FER1L6: variants seen among roughly 807,000 people sequenced by gnomAD.
The protein encoded by FER1L6 is fer-1 like family member 6, also known as fer-1-like protein 6.
In FER1L6, 177 loss-of-function variants were observed where a neutral mutation model predicts 219.2. That is an observed-to-expected ratio of 0.81 (90% CI 0.71 to 0.91). The LOEUF (loss-of-function observed/expected upper bound fraction) is 0.91, where lower values mean the gene tolerates loss of function less well. Among genes scored for constraint, FER1L6 ranks in the 40% least tolerant of loss-of-function variants. FER1L6 has a pLI of 0.00. For missense variants in FER1L6, 2,153 were observed against 2,259.9 expected (o/e 0.95, Z 0.96); for synonymous variants, 768 against 824.3 (o/e 0.93, Z 1.17).
At chr8:123,959,311 T>C (rs1214096494) in intron 2 of FER1L6, among the ~76,000 whole-genome samples, 1 of 152,194 alleles carries the variant, frequency 6.6e-6, no homozygotes, top group Non-Finnish European at 1.5e-5. Flanking sequence ...CTAGCACCTT[T>C]TCTTGCATAT....
In FER1L6 at chr8:124,035,370, G is replaced by T. The variant is rs1819153628; in HGVS notation, c.2380G>T (p.Asp794Tyr). The T allele has an allele frequency of 6.2e-7, 1 of 1,614,056 alleles. No individual in the cohort carries two copies. Among genetic ancestry groups the T allele is most frequent in the African/African-American group, 1.3e-5 (1 of 75,014 alleles). ...GSIKHASAIL[D>Y]NLPVGYEAEM... Reference sequence around the variant, plus strand: ...CATCAAGCATGCCAGTGCCATTTTGGACAACTTGCCAGTAGGCTATGAAGC... The same window carrying T: ...CATCAAGCATGCCAGTGCCATTTTGTACAACTTGCCAGTAGGCTATGAAGC... Residue 794 changes from aspartate (D) to tyrosine (Y), a missense_variant, in exon 19 of 41, where the codon GAC becomes TAC. Physicochemically the swap from Asp to Tyr is radical, Grantham distance 160 (BLOSUM62 -3). Coordinates refer to ENST00000522917, the MANE Select transcript of FER1L6 (RefSeq NM_001039112.2).
intron 21 of FER1L6, chr8:124,046,264 C>G (rs1022826945): frequency 6.0e-6 from 1 of 166,634 alleles, no homozygotes; most frequent in Non-Finnish European, 1.3e-5. Context: ...TAAAAATGTC[C>G]ATGCTTTTTG....
At chr8:123,910,679 A>T (rs902792728) in intron 1 of FER1L6, among the ~76,000 whole-genome samples, 10 of 152,286 alleles carry the variant, frequency 6.6e-5, no homozygotes, top group African/African-American at 2.4e-4. Context: ...AGGTCCTCCA[A>T]AACTTGCTTA....
intron 1 of FER1L6, among the ~76,000 whole-genome samples, chr8:123,862,406 T>A (rs534243191): frequency 7.2e-6 from 1 of 138,376 alleles, no homozygotes; most frequent in Non-Finnish European, 1.5e-5. Context: ...GATTTTTGCA[T>A]CAATGTTCAT....
intron 39 of FER1L6, among the ~76,000 whole-genome samples, chr8:124,109,059 G>T (rs1262980860): frequency 1.3e-5 from 2 of 152,286 alleles, no homozygotes; most frequent in Non-Finnish European, 2.9e-5. Context: ...GTTGTCTCAT[G>T]CTGAGAAAAA....
intron 6 of FER1L6, among the ~76,000 whole-genome samples, chr8:123,971,907 C>G (rs1404685411): frequency 6.6e-6 from 1 of 152,164 alleles, no homozygotes; most frequent in East Asian, 1.9e-4. Flanking sequence ...CTTGACCACA[C>G]CAGGATTGCC....
At chr8:123,873,679 G>T (rs1816961198) in intron 1 of FER1L6, among the ~76,000 whole-genome samples, 1 of 152,094 alleles carries the variant, frequency 6.6e-6, no homozygotes, top group Admixed American at 6.5e-5. Context: ...GAAGATGTGG[G>T]TCCTGGATTA....
At chr8:124,004,115 C>CAAAAA (rs80310802) in intron 13 of FER1L6, 24 of 78,416 alleles carry the variant, frequency 3.1e-4, no homozygotes, top group Admixed American at 7.1e-4. Context: ...CTGAAAGACT[C>CAAAAA]AAAAAAAAAA....
intron 32 of FER1L6, among the ~76,000 whole-genome samples, chr8:124,080,180 C>T (rs1226489147): frequency 2.6e-5 from 4 of 152,152 alleles, no homozygotes; most frequent in Admixed American, 6.5e-5. Context: ...TTCACCGTCT[C>T]AGTTTTGGCC....
chr8:124,118,095 A>G (rs980533937), intron 39 of FER1L6, among the ~76,000 whole-genome samples: 1 of 152,132 alleles, frequency 6.6e-6, no homozygotes. Context: ...TTAATCAATC[A>G]TTGTTAAGGC....
intron 1 of FER1L6, among the ~76,000 whole-genome samples, chr8:123,857,871 G>A (rs926622800): frequency 1.3e-5 from 2 of 152,160 alleles, no homozygotes; most frequent in Admixed American, 6.5e-5. Flanking sequence ...ATATGTTCAC[G>A]TCTGTTCTCA....
chr8:123,993,840 A>G (rs1042728897), intron 12 of FER1L6, among the ~76,000 whole-genome samples: 2 of 152,224 alleles, frequency 1.3e-5, no homozygotes, highest in African/African-American at 4.8e-5. Context: ...AGCAGTGGCT[A>G]CCAGTACCAG....
At chr8:124,005,412 G>A (rs568112369) in intron 13 of FER1L6, among the ~76,000 whole-genome samples, 6 of 152,294 alleles carry the variant, frequency 3.9e-5, no homozygotes, top group African/African-American at 1.4e-4. Flanking sequence ...AATATGTCCT[G>A]CTGTGTGCTG....
In FER1L6 at chr8:124,045,853, A is replaced by T. The variant is rs1266211120; in HGVS notation, c.2676A>T (p.Ala892=). 6.2e-7 allele frequency: 1 copy of T among 1,614,116 alleles called. No individual in the cohort carries two copies. Among genetic ancestry groups the T allele is most frequent in the Non-Finnish European group, 8.5e-7 (1 of 1,180,004 alleles). The change falls in exon 21 of 41, where the codon GCA becomes GCT. Residue 892 remains alanine (A), a synonymous_variant. Transcript: ENST00000522917. ...TGCATGGAGATGTGAAGGAGCTGGC[A>T]GAGTCCCCGCCCTTAGTGGTGGTGG... ...LVLHGDVKEL[A]ESPPLVVVEL... is the part of the protein sequence containing the mutation.
intron 39 of FER1L6, among the ~76,000 whole-genome samples, chr8:124,115,269 G>A (rs1229191191): frequency 1.3e-5 from 2 of 151,336 alleles, no homozygotes; most frequent in Non-Finnish European, 1.5e-5. Context: ...GATATTATTA[G>A]CTTATGACCT....
At chr8:124,002,711 T>C (rs1304320531) in intron 12 of FER1L6, among the ~76,000 whole-genome samples, 1 of 103,918 alleles carries the variant, frequency 9.6e-6, no homozygotes, top group Non-Finnish European at 1.8e-5. Context: ...CCGCCCTTAA[T>C]TGGGGATTTA....
chr8:123,898,061 AT>A (rs997043778), intron 1 of FER1L6, among the ~76,000 whole-genome samples: 30 of 152,226 alleles, frequency 2.0e-4, no homozygotes, highest in African/African-American at 6.8e-4. Flanking sequence ...GATTAAAAAA[AT>A]AAAATGTAAT....
intron 6 of FER1L6, among the ~76,000 whole-genome samples, chr8:123,970,494 C>T (rs147933191): frequency 3.0e-4 from 45 of 152,092 alleles, no homozygotes; most frequent in African/African-American, 9.9e-4. Context: ...GATCATTAAT[C>T]ACATCTCCTC....
At chr8:123,998,685 T>A (rs1817261345) in intron 12 of FER1L6, among the ~76,000 whole-genome samples, 1 of 152,106 alleles carries the variant, frequency 6.6e-6, no homozygotes, top group African/African-American at 2.4e-5. Flanking sequence ...TCCAGAGATG[T>A]CATCTGGGAG....
Sources: gnomAD v4.1 joint callset for allele counts (sites outside exome capture counted in the v4.1 genomes callset) on GRCh38, gnomAD v4.1.1 for gene constraint, MANE v1.5 for transcripts, NCBI Gene and HGNC (gene_info 2026-07-23, HGNC 2026-07-21) for gene names.